GMDS: variants seen among roughly 807,000 people sequenced by gnomAD.
GMDS encodes the protein GDP-mannose 4,6-dehydratase.
Under a neutral mutation model 49.9 loss-of-function variants are expected in GMDS, and 20 were observed. The observed-to-expected ratio is 0.40, with a 90% CI of 0.28 to 0.58. The LOEUF (loss-of-function observed/expected upper bound fraction) is 0.58. Ranked by LOEUF, GMDS falls within the 20% of genes least tolerant of loss-of-function variation. GMDS has a pLI of 0.42. For synonymous variants in GMDS, 177 were observed against 178.6 expected, an observed-to-expected ratio of 0.99 and a Z score of 0.07; for missense variants, 362 against 481.4, an observed-to-expected ratio of 0.75 and a Z score of 2.32.
chr6:1,661,943 G>C (rs1226843741), intron 9 of GMDS, among the ~76,000 whole-genome samples: 3 of 152,332 alleles, frequency 2.0e-5, no homozygotes, highest in African/African-American at 7.2e-5. Context: ...AAAAACCCAT[G>C]ACAGACAGCT....
chr6:1,681,857 G>A (rs906115395), intron 9 of GMDS, among the ~76,000 whole-genome samples: 6 of 152,168 alleles, frequency 3.9e-5, no homozygotes, highest in Admixed American at 1.3e-4. Flanking sequence ...CACAGTGTGC[G>A]GCTAATTTTT....
intron 6 of GMDS, among the ~76,000 whole-genome samples, chr6:1,941,916 A>C (rs957038263): frequency 6.6e-6 from 1 of 151,952 alleles, no homozygotes; most frequent in Non-Finnish European, 1.5e-5. Context: ...CACACACCCC[A>C]TCCTGACTAC....
chr6:1,949,578 A>G (rs9405533), intron 6 of GMDS, among the ~76,000 whole-genome samples: 40,654 of 152,110 alleles, frequency 0.27, 6,584 homozygotes, highest in Non-Finnish European at 0.35. Flanking sequence ...TATTGCTTCA[A>G]AAGTCTTTTA....
rs1467538877 is a variant in GMDS at position 1,798,249 on chromosome 6, A to G, written c.772-55663T>C. Among the ~76,000 whole-genome samples the G allele has an allele frequency of 1.8e-4, 17 of 95,658 alleles. No homozygotes were observed. The South Asian group carries it at 3.6e-3, about 21-fold the overall frequency. 62.8% of individuals were successfully genotyped at this position (95,658 alleles called of 152,430 possible). ...TTCTAATTACAGAGCACACACACAC[A>G]CACACACACACACACACACACACAC... On this transcript the variant is annotated intron_variant, in intron 7 of 10. Coordinates refer to ENST00000380815, the MANE Select transcript of GMDS (RefSeq NM_001500.4).
At chr6:1,667,978 T>C (rs960114661) in intron 9 of GMDS, among the ~76,000 whole-genome samples, 1 of 152,208 alleles carries the variant, frequency 6.6e-6, no homozygotes. Flanking sequence ...CACATGCGGC[T>C]GACATCCCGG....
intron 7 of GMDS, among the ~76,000 whole-genome samples, chr6:1,909,391 C>T (rs1403176210): frequency 6.6e-6 from 1 of 152,170 alleles, no homozygotes; most frequent in Non-Finnish European, 1.5e-5. Flanking sequence ...AAATCAAAGA[C>T]CCAAAAGTAT....
intron 7 of GMDS, among the ~76,000 whole-genome samples, chr6:1,849,681 A>G (rs958039330): frequency 2.0e-5 from 3 of 152,198 alleles, no homozygotes; most frequent in Admixed American, 6.5e-5. Flanking sequence ...CTTTTCCCTG[A>G]ATTTGACTTT....
intron 9 of GMDS, among the ~76,000 whole-genome samples, chr6:1,661,214 T>C (rs542967181): frequency 6.6e-6 from 1 of 152,218 alleles, no homozygotes; most frequent in South Asian, 2.1e-4. Flanking sequence ...CAATTATCCA[T>C]TTGGGTTAAA....
intron 7 of GMDS, among the ~76,000 whole-genome samples, chr6:1,897,140 G>T (rs1195666006): frequency 6.6e-6 from 1 of 152,168 alleles, no homozygotes; most frequent in Non-Finnish European, 1.5e-5. Context: ...GGAAATCCAA[G>T]ATCAAGACGC....
chr6:2,156,335 T>A (rs1246279629), intron 1 of GMDS, among the ~76,000 whole-genome samples: 2 of 152,188 alleles, frequency 1.3e-5, no homozygotes, highest in African/African-American at 2.4e-5. Flanking sequence ...TACGTCACTA[T>A]CACGGTGAAT....
At chr6:1,928,905 G>A (rs1214675709) in intron 7 of GMDS, among the ~76,000 whole-genome samples, 1 of 152,106 alleles carries the variant, frequency 6.6e-6, no homozygotes, top group Non-Finnish European at 1.5e-5. Context: ...GGAGGCCGAG[G>A]TTGTAGTGAG....
intron 1 of GMDS, among the ~76,000 whole-genome samples, chr6:2,184,823 T>C (rs1002478110): frequency 3.3e-5 from 5 of 152,246 alleles, no homozygotes. Context: ...TCTGTGTTTA[T>C]ACCATTGGGA....
rs551281817 is a variant in GMDS at position 1,728,551 on chromosome 6, A to G, written c.891-2039T>C. 2.6e-5 allele frequency among the ~76,000 whole-genome samples: 4 copies of G among 152,360 alleles called. No individual in the cohort carries two copies. In the East Asian group the frequency reaches 7.7e-4, roughly 29 times the overall value. Reference sequence around the variant, plus strand: ...CTTCCACTGGTAAATCTCAAATGCCACAACCATGAGAACTGGTGATTCAAA... The same window carrying G: ...CTTCCACTGGTAAATCTCAAATGCCGCAACCATGAGAACTGGTGATTCAAA... On this transcript the variant is annotated intron_variant, in intron 8 of 10. Coordinates refer to ENST00000380815, the MANE Select transcript of GMDS (RefSeq NM_001500.4).
intron 1 of GMDS, among the ~76,000 whole-genome samples, chr6:2,207,324 T>C (rs1779850963): frequency 6.6e-6 from 1 of 151,940 alleles, no homozygotes; most frequent in South Asian, 2.1e-4. Flanking sequence ...TCAACTTCCT[T>C]TAAGCAGGCT....
At chr6:1,878,933 G>C (rs1047810317) in intron 7 of GMDS, among the ~76,000 whole-genome samples, 8 of 152,134 alleles carry the variant, frequency 5.3e-5, no homozygotes, top group African/African-American at 1.9e-4. Context: ...CTCACCACTG[G>C]TGATTATACT....
At chr6:1,810,980 T>C (rs1226157276) in intron 7 of GMDS, among the ~76,000 whole-genome samples, 4 of 152,108 alleles carry the variant, frequency 2.6e-5, no homozygotes, top group Non-Finnish European at 5.9e-5. Flanking sequence ...GCTTGTCTTT[T>C]CTCCTAGTTT....
chr6:1,933,122 A>G (rs932731716), intron 6 of GMDS, among the ~76,000 whole-genome samples: 2 of 152,150 alleles, frequency 1.3e-5, no homozygotes, highest in Non-Finnish European at 2.9e-5. Flanking sequence ...CTATAAATGG[A>G]ATTATATTAA....
Position 1,998,377 on chromosome 6 carries a change from T to C in GMDS, c.346-37411A>G, listed in dbSNP as rs74294081. On this transcript the variant is annotated intron_variant, in intron 4 of 10. Transcript: ENST00000380815. Reference sequence around the variant, plus strand: ...AAGAAAGTCACTATGAGCTCCCTAGTAAGAAATAAGGAAAGGAAGGAAAAG... The same window carrying C: ...AAGAAAGTCACTATGAGCTCCCTAGCAAGAAATAAGGAAAGGAAGGAAAAG... Among the ~76,000 whole-genome samples the C allele has an allele frequency of 7.1e-4, 108 of 151,120 alleles. 1 individual carries two copies. The East Asian group carries it at 0.021, about 29-fold the overall frequency.
At chr6:1,882,824 T>C (rs192099448) in intron 7 of GMDS, among the ~76,000 whole-genome samples, 1 of 152,302 alleles carries the variant, frequency 6.6e-6, no homozygotes, top group East Asian at 1.9e-4. Flanking sequence ...AACTCATGGG[T>C]TATCCAAGTT....
Sources: allele counts gnomAD v4.1 joint callset (sites outside exome capture counted in the v4.1 genomes callset), GRCh38; gene constraint gnomAD v4.1.1; transcripts MANE v1.5; gene names NCBI Gene and HGNC (gene_info 2026-07-23, HGNC 2026-07-21).